Variants in PPP2R5E observed in about 807,000 individuals in gnomAD.
PPP2R5E encodes protein phosphatase 2 regulatory subunit B'epsilon, also known as serine/threonine-protein phosphatase 2A 56 kDa regulatory subunit epsilon isoform.
PPP2R5E carries 4 observed loss-of-function variants against 65.3 expected under a neutral mutation model. That is an observed-to-expected ratio of 0.06 (90% CI 0.03 to 0.14). PPP2R5E has a LOEUF of 0.14. Ranked by LOEUF, PPP2R5E falls within the 10% of genes least tolerant of loss-of-function variation. PPP2R5E has a pLI of 1.00. For missense variants in PPP2R5E, 274 were observed against 556.1 expected (o/e 0.49, Z 5.10); for synonymous variants, 183 against 187.4 (o/e 0.98, Z 0.19).
intron 13 of PPP2R5E, among the ~76,000 whole-genome samples, chr14:63,379,828 T>TCTC (rs1566660727): frequency 5.5e-5 from 4 of 72,612 alleles, no homozygotes; most frequent in East Asian, 2.0e-3. Flanking sequence ...TTCTCTCTCT[T>TCTC]TTTTTTTTTT....
chr14:63,522,928 C>A (rs1163611162), intron 2 of PPP2R5E, among the ~76,000 whole-genome samples: 1 of 148,356 alleles, frequency 6.7e-6, no homozygotes, highest in Non-Finnish European at 1.5e-5. Flanking sequence ...AGCCCTCTAC[C>A]CGGCCAGCCG....
chr14:63,510,768 A>G (rs1026349752), intron 2 of PPP2R5E, among the ~76,000 whole-genome samples: 5 of 152,258 alleles, frequency 3.3e-5, no homozygotes, highest in Non-Finnish European at 7.3e-5. Context: ...TTTATTCTGA[A>G]TGAAATGAGA....
chr14:63,404,485 G>C (rs1027198593), intron 5 of PPP2R5E, among the ~76,000 whole-genome samples: 3 of 152,128 alleles, frequency 2.0e-5, no homozygotes, highest in South Asian at 2.1e-4. Flanking sequence ...CCAGAACAAA[G>C]AAACCAGAGC....
At chr14:63,415,009 G>GTT in intron 5 of PPP2R5E, 131 bp downstream of exon 5, 2 of 451,182 alleles carry the variant, frequency 4.4e-6, no homozygotes, top group East Asian at 4.0e-5. Context: ...ATTAACTTAT[G>GTT]TTTATATATA....
Position 63,393,834 on chromosome 14 carries a change from G to A in PPP2R5E, c.835C>T (p.Leu279Phe), listed in dbSNP as rs1333073416. 2 of 1,596,006 alleles carry A rather than the reference G, an allele frequency of 1.3e-6. No individual in the cohort carries two copies. The highest frequency in any genetic ancestry group is 3.3e-4 in the Middle Eastern group (2 of 6,006). Reference protein sequence around the residue: ...IPLHTVRSLSLFHAQLAYCIV... With the variant: ...IPLHTVRSLSFFHAQLAYCIV... ...AATCCTCCTACCTGTGCATGGAAGA[G>A]TGATAAGCTCCTGACAGTGTGTAAA... The change falls in exon 8 of 14, where the codon CTC becomes TTC. Residue 279 changes from leucine to phenylalanine, a missense_variant. Around this residue, in one of 6 missense-constraint regions of PPP2R5E, gnomAD observed 129 missense variants for 254.9 expected, o/e 0.51. Transcript: ENST00000337537.
rs113806873 is a variant in PPP2R5E, at chr14:63,517,134, A to T, written c.157+22395T>A. ...GCATCTGTGGGCACAAATGAGTATC[A>T]ATTGTTAACTATGACACCCTGAGGT... On this transcript the variant is annotated intron_variant, in intron 2 of 13. Transcript: ENST00000337537. Among the ~76,000 whole-genome samples the T allele has an allele frequency of 5.1e-3, 776 of 152,268 alleles. 6 individuals are homozygous for T. The highest frequency in any genetic ancestry group is 0.018 in the African/African-American group (741 of 41,540).
intron 2 of PPP2R5E, among the ~76,000 whole-genome samples, chr14:63,513,514 G>T (rs1489219234): frequency 6.6e-6 from 1 of 152,114 alleles, no homozygotes; most frequent in Non-Finnish European, 1.5e-5. Flanking sequence ...CTAATGAAGG[G>T]ATAAAAACAT....
chr14:63,540,225 G>A (rs1204278865), intron 1 of PPP2R5E, among the ~76,000 whole-genome samples: 7 of 151,902 alleles, frequency 4.6e-5, no homozygotes, highest in African/African-American at 1.5e-4. Flanking sequence ...GAGGTCAGGA[G>A]TTCGAGACTA....
At chr14:63,408,499 G>A (rs61995006) in intron 5 of PPP2R5E, among the ~76,000 whole-genome samples, 2,093 of 152,158 alleles carry the variant, frequency 0.014, 14 homozygotes, top group Non-Finnish European at 0.019. Flanking sequence ...CCATTCTACT[G>A]TTCCAAAGCC....
chr14:63,397,502 TAAAAAAA>T (rs1163450765), intron 5 of PPP2R5E, among the ~76,000 whole-genome samples: 2 of 62,286 alleles, frequency 3.2e-5, no homozygotes, highest in Non-Finnish European at 6.0e-5. Flanking sequence ...ATTCGGTCTT[TAAAAAAA>T]AAAAAAAAAA....
chr14:63,458,276 T>C (rs1711592992), intron 2 of PPP2R5E, among the ~76,000 whole-genome samples: 1 of 152,222 alleles, frequency 6.6e-6, no homozygotes, highest in African/African-American at 2.4e-5. Context: ...GAAGGTTGTT[T>C]ACAATTTGCA....
At chr14:63,420,904 T>A (rs2139882152) in intron 4 of PPP2R5E, among the ~76,000 whole-genome samples, 1 of 128,674 alleles carries the variant, frequency 7.8e-6, no homozygotes, top group South Asian at 2.4e-4. Flanking sequence ...TACAAAAAAA[T>A]TAGCCGGGCG....
intron 7 of PPP2R5E, 127 bp from the exon 8 acceptor site, chr14:63,394,055 G>A (rs1885185976): frequency 2.2e-6 from 1 of 453,274 alleles, no homozygotes; most frequent in Non-Finnish European, 3.9e-6. Context: ...CCACCCCAGT[G>A]GCATTCAGAA....
At chr14:63,384,423 G>C (rs1158870669) in intron 12 of PPP2R5E, 21 bp downstream of exon 12, 1 of 1,605,922 alleles carries the variant, frequency 6.2e-7, no homozygotes, top group African/African-American at 1.3e-5. Flanking sequence ...AGAGAACGGA[G>C]GAAAGAAACT....
intron 2 of PPP2R5E, among the ~76,000 whole-genome samples, chr14:63,460,165 C>T (rs1456938597): frequency 6.6e-6 from 1 of 152,140 alleles, no homozygotes; most frequent in Non-Finnish European, 1.5e-5. Context: ...CACTTACAAC[C>T]ATAAAGCACT....
In PPP2R5E at chr14:63,374,017, A is replaced by C. The variant is rs924541696; in HGVS notation, c.*1992T>G. ...ATCAATGTTCTTTAAAAAAAAAAAAAAAAAAACTATTAATTCCATTAAACC... is the reference window on the plus strand; with the variant it reads ...ATCAATGTTCTTTAAAAAAAAAAAACAAAAAACTATTAATTCCATTAAACC... On this transcript the variant is annotated 3_prime_UTR_variant, in exon 14 of 14. Transcript: ENST00000337537. 2.0e-4 allele frequency: 30 copies of C among 151,616 alleles called. No individual in the cohort carries two copies. Among genetic ancestry groups the C allele is most frequent in the Middle Eastern group, 3.4e-3 (1 of 292 alleles). 9.4% of individuals were successfully genotyped at this position (151,616 alleles called of 1,614,324 possible).
chr14:63,378,575 C>T (rs944798492), intron 13 of PPP2R5E, among the ~76,000 whole-genome samples: 14 of 152,124 alleles, frequency 9.2e-5, no homozygotes, highest in South Asian at 4.1e-4. Context: ...AGTTATCACA[C>T]GGCTTTCATA....
In PPP2R5E at chr14:63,384,390, G is replaced by T; in HGVS notation, c.1202+54C>A. 5.7e-6 allele frequency: 9 copies of T among 1,569,834 alleles called. No homozygotes were observed. In the South Asian group the frequency reaches 8.9e-5, roughly 16 times the overall value. Reference sequence around the variant, plus strand: ...ATCTGGCACATAATAAGGCTGAAGGGAAAGAAAGAGAGGAAGGGAGGAAGA... The same window carrying T: ...ATCTGGCACATAATAAGGCTGAAGGTAAAGAAAGAGAGGAAGGGAGGAAGA... On this transcript the variant is annotated intron_variant, in intron 12 of 13. Transcript: ENST00000337537.
intron 11 of PPP2R5E, among the ~76,000 whole-genome samples, chr14:63,386,410 A>G (rs1288442635): frequency 6.6e-6 from 1 of 152,224 alleles, no homozygotes; most frequent in Non-Finnish European, 1.5e-5. Flanking sequence ...TCACATGGCT[A>G]GTAAGTGGCA....
Sources: allele counts gnomAD v4.1 joint callset (sites outside exome capture counted in the v4.1 genomes callset), GRCh38; gene constraint gnomAD v4.1.1; regional missense constraint gnomAD v4.1.1; transcripts MANE v1.5; gene names NCBI Gene and HGNC (gene_info 2026-07-23, HGNC 2026-07-21).